BBX: variants seen among roughly 807,000 people sequenced by gnomAD.
BBX encodes the protein BBX high mobility group box domain containing.
Under a neutral mutation model 100.2 loss-of-function variants are expected in BBX, and 30 were observed. The ratio of observed to expected loss-of-function variants is 0.30; its 90% CI spans 0.22 to 0.41. The LOEUF is 0.41. BBX is among the 10% of genes least tolerant of loss of function. The probability of loss-of-function intolerance (pLI) is 1.00; values close to 1 mark genes in which losing one functional copy is unlikely to be tolerated. For missense variants in BBX, 1,023 were observed against 1,129.8 expected (o/e 0.91, Z 1.35); for synonymous variants, 376 against 388.1 (o/e 0.97, Z 0.37).
chr3:107,610,409 T>C (rs948525682), intron 2 of BBX, among the ~76,000 whole-genome samples: 7 of 152,210 alleles, frequency 4.6e-5, no homozygotes, highest in Admixed American at 4.6e-4. Context: ...AATGTTTCTT[T>C]GTTAATTTTC....
chr3:107,654,583 C>T (rs2058031253), intron 3 of BBX, among the ~76,000 whole-genome samples: 1 of 152,180 alleles, frequency 6.6e-6, no homozygotes, highest in African/African-American at 2.4e-5. Flanking sequence ...CCAAAATGCT[C>T]ACTATTGATT....
chr3:107,668,855 G>T (rs1454451918), intron 3 of BBX, among the ~76,000 whole-genome samples: 3 of 152,052 alleles, frequency 2.0e-5, no homozygotes, highest in African/African-American at 7.2e-5. Context: ...AAAGGTTCTG[G>T]CTCTTATTTT....
chr3:107,670,360 T>C (rs750196926), intron 3 of BBX, among the ~76,000 whole-genome samples: 11 of 152,124 alleles, frequency 7.2e-5, no homozygotes, highest in Non-Finnish European at 1.3e-4. Flanking sequence ...TCTAGTGTAA[T>C]ACTGCTGTTG....
At chr3:107,767,339 C>T (rs763108150) in intron 10 of BBX, among the ~76,000 whole-genome samples, 4 of 151,890 alleles carry the variant, frequency 2.6e-5, no homozygotes, top group Non-Finnish European at 5.9e-5. Context: ...AAAGAGGCAT[C>T]AGGGTAAGGC....
intron 2 of BBX, among the ~76,000 whole-genome samples, chr3:107,590,034 A>C (rs1357130843): frequency 1.3e-5 from 2 of 152,282 alleles, no homozygotes; most frequent in Non-Finnish European, 2.9e-5. Context: ...GTGACATCAC[A>C]TGTGTAACAT....
chr3:107,582,619 T>C (rs1409951381), intron 2 of BBX, among the ~76,000 whole-genome samples: 2 of 152,104 alleles, frequency 1.3e-5, no homozygotes, highest in Non-Finnish European at 2.9e-5. Flanking sequence ...ATTGTCATAC[T>C]AATATTATCC....
chr3:107,537,048 A>G (rs998596988), intron 2 of BBX, among the ~76,000 whole-genome samples: 1 of 152,226 alleles, frequency 6.6e-6, no homozygotes, highest in Non-Finnish European at 1.5e-5. Context: ...TAAGCATTAT[A>G]GCGAATTTTT....
chr3:107,806,210 G>A lies in BBX; in HGVS notation c.*753G>A, dbSNP rs1358756189. ...AGTGACCAAGAAGAATTTGCTTGAG[G>A]CAAATTGTGGCAAATATTTTCCCAG... On this transcript the variant is annotated 3_prime_UTR_variant, in exon 18 of 18. Coordinates refer to ENST00000325805, the MANE Select transcript of BBX (RefSeq NM_001142568.3). 2.6e-5 allele frequency: 4 copies of A among 152,054 alleles called. No individual in the cohort carries two copies. Among genetic ancestry groups the A allele is most frequent in the African/African-American group, 9.7e-5 (4 of 41,406 alleles). The allele number at this position is 152,054 out of a possible 1,614,324, so 9.4% of individuals were successfully genotyped here. A position where few individuals can be genotyped will look rare whatever the true frequency, so the allele number is the denominator to read the frequency against.
At chr3:107,595,864 A>G (rs2053636905) in intron 2 of BBX, among the ~76,000 whole-genome samples, 1 of 152,210 alleles carries the variant, frequency 6.6e-6, no homozygotes, top group African/African-American at 2.4e-5. Flanking sequence ...TGACTCCGCC[A>G]AAACTTAAAT....
chr3:107,665,181 A>C (rs1343913357), intron 3 of BBX, among the ~76,000 whole-genome samples: 1 of 152,174 alleles, frequency 6.6e-6, no homozygotes, highest in Non-Finnish European at 1.5e-5. Context: ...TATTTATTGA[A>C]TGTAGAAAGG....
At chr3:107,532,245 T>A (rs2048211997) in intron 2 of BBX, among the ~76,000 whole-genome samples, 1 of 152,054 alleles carries the variant, frequency 6.6e-6, no homozygotes, top group African/African-American at 2.4e-5. Context: ...TATGGGACAT[T>A]ATGATTTCCC....
intron 2 of BBX, among the ~76,000 whole-genome samples, chr3:107,641,048 G>A (rs1357967799): frequency 2.0e-5 from 3 of 150,868 alleles, no homozygotes; most frequent in Non-Finnish European, 4.4e-5. Context: ...TTGCTATTCT[G>A]TTGGCATATA....
intron 3 of BBX, among the ~76,000 whole-genome samples, chr3:107,683,131 TTTC>T (rs1306873037): frequency 6.6e-6 from 1 of 152,214 alleles, no homozygotes; most frequent in African/African-American, 2.4e-5. Context: ...AGTTGAACAG[TTTC>T]TTTTCTTTTT....
intron 3 of BBX, among the ~76,000 whole-genome samples, chr3:107,699,407 A>T (rs1392572485): frequency 6.6e-6 from 1 of 151,934 alleles, no homozygotes; most frequent in Non-Finnish European, 1.5e-5. Flanking sequence ...AAGCTGGACT[A>T]GGTCAGGAAG....
intron 2 of BBX, among the ~76,000 whole-genome samples, chr3:107,547,702 A>G (rs1479116819): frequency 6.6e-6 from 1 of 152,106 alleles, no homozygotes; most frequent in Non-Finnish European, 1.5e-5. Flanking sequence ...TTACTGGTAG[A>G]TGTAATTTAT....
Position 107,805,180 on chromosome 3 carries a change from G to A in BBX, c.2739-190G>A, listed in dbSNP as rs548694944. Among the ~76,000 whole-genome samples, 3 of 151,616 alleles carry A rather than the reference G, an allele frequency of 2.0e-5. No individual in the cohort carries two copies. In the South Asian group the frequency reaches 6.3e-4, roughly 32 times the overall value. ...AGGGAGACAGAATGGGAAGGAGGAAGGGGAAAAAAAGGATAAGGAAGGGGA... is the reference window on the plus strand; with the variant it reads ...AGGGAGACAGAATGGGAAGGAGGAAAGGGAAAAAAAGGATAAGGAAGGGGA... On this transcript the variant is annotated intron_variant, in intron 17 of 17. Coordinates refer to ENST00000325805, the MANE Select transcript of BBX (RefSeq NM_001142568.3).
At chr3:107,584,092 A>ATAT (rs2052564823) in intron 2 of BBX, among the ~76,000 whole-genome samples, 1 of 13,038 alleles carries the variant, frequency 7.7e-5, no homozygotes, top group Non-Finnish European at 1.8e-4. Flanking sequence ...TATATATCAT[A>ATAT]TATTATATAT....
At chr3:107,528,569 A>G (rs1333531515) in intron 2 of BBX, among the ~76,000 whole-genome samples, 1 of 152,202 alleles carries the variant, frequency 6.6e-6, no homozygotes, top group Non-Finnish European at 1.5e-5. Flanking sequence ...CATACTTTGA[A>G]AATGGTATAT....
At chr3:107,722,189 C>T (rs1207291995) in intron 5 of BBX, among the ~76,000 whole-genome samples, 11 of 151,960 alleles carry the variant, frequency 7.2e-5, no homozygotes, top group Non-Finnish European at 1.0e-4. Flanking sequence ...GTTAAGTAAA[C>T]ACTTGTATTT....
Sources: allele counts gnomAD v4.1 joint callset (sites outside exome capture counted in the v4.1 genomes callset), GRCh38; gene constraint gnomAD v4.1.1; transcripts MANE v1.5; gene names NCBI Gene and HGNC (gene_info 2026-07-23, HGNC 2026-07-21).